The following MAP2K6 variants were observed in gnomAD, a reference collection of about 807,000 sequenced individuals.
The protein encoded by MAP2K6 is dual specificity mitogen-activated protein kinase kinase 6.
A neutral mutation model predicts 53.7 loss-of-function variants in MAP2K6; 16 were observed. The observed-to-expected ratio is 0.30, with a 90% CI of 0.20 to 0.45. The LOEUF (loss-of-function observed/expected upper bound fraction) is 0.45. MAP2K6 is among the 20% of genes least tolerant of loss of function. The probability of loss-of-function intolerance (pLI) is 1.00; values close to 1 mark genes in which losing one functional copy is unlikely to be tolerated. For missense variants in MAP2K6, 204 were observed against 411.9 expected (o/e 0.50, Z 4.37); for synonymous variants, 132 against 143.1 (o/e 0.92, Z 0.55).
intron 1 of MAP2K6, among the ~76,000 whole-genome samples, chr17:69,464,747 G>T (rs1398758992): frequency 1.3e-5 from 2 of 151,718 alleles, no homozygotes; most frequent in Non-Finnish European, 2.9e-5. Context: ...ACAGAGTCTC[G>T]CTCTGTTGCC....
At chr17:69,480,151 T>G (rs560209277) in intron 1 of MAP2K6, among the ~76,000 whole-genome samples, 1 of 152,328 alleles carries the variant, frequency 6.6e-6, no homozygotes, top group East Asian at 1.9e-4. Context: ...CAGGGCCTTA[T>G]GTTCTGGAGA....
intron 11 of MAP2K6, among the ~76,000 whole-genome samples, chr17:69,536,744 T>G (rs965799548): frequency 6.6e-6 from 1 of 152,232 alleles, no homozygotes; most frequent in African/African-American, 2.4e-5. Context: ...AAGTAATATC[T>G]TAGCATTGTT....
At chr17:69,536,593 T>C (rs532303862) in intron 11 of MAP2K6, among the ~76,000 whole-genome samples, 1 of 152,114 alleles carries the variant, frequency 6.6e-6, no homozygotes, top group East Asian at 1.9e-4. Flanking sequence ...TTTTGGGGGG[T>C]AGCTAAGGAG....
intron 1 of MAP2K6, among the ~76,000 whole-genome samples, chr17:69,430,038 T>A (rs1906406293): frequency 6.6e-6 from 1 of 151,946 alleles, no homozygotes; most frequent in Non-Finnish European, 1.5e-5. Flanking sequence ...AAAGAAATAA[T>A]AAAATAGGCC....
Position 69,516,899 on chromosome 17 carries a change from A to G in MAP2K6, c.128A>G (p.Asn43Ser). 6.3e-7 allele frequency: 1 copy of G among 1,593,986 alleles called. No homozygotes were observed. The highest frequency in any genetic ancestry group is 2.2e-5 in the East Asian group (1 of 44,668). Reference protein sequence around the residue: ...LDSKACISIGNQNFEVKADDL... With the variant: ...LDSKACISIGSQNFEVKADDL... Reference sequence around the variant, plus strand: ...TCCAAGGCTTGCATTTCTATTGGAAATCAGGTAAGAAAAAATCATGTCTGC... The same window carrying G: ...TCCAAGGCTTGCATTTCTATTGGAAGTCAGGTAAGAAAAAATCATGTCTGC... The change falls in exon 3 of 12, where the codon AAT becomes AGT. Residue 43 changes from asparagine (N) to serine (S), a missense_variant. This residue lies in a region of MAP2K6 where 129 missense variants were observed against 247.1 expected (regional missense o/e 0.52). Coordinates refer to ENST00000590474, the MANE Select transcript of MAP2K6 (RefSeq NM_002758.4).
intron 1 of MAP2K6, among the ~76,000 whole-genome samples, chr17:69,449,545 C>CTTTA (rs1198704464): frequency 4.5e-4 from 48 of 105,666 alleles, no homozygotes; most frequent in Non-Finnish European, 9.2e-4. Flanking sequence ...TTCTTTCTTT[C>CTTTA]TTTCTTTCTT....
intron 1 of MAP2K6, among the ~76,000 whole-genome samples, chr17:69,456,440 C>T (rs1907413681): frequency 6.6e-6 from 1 of 152,148 alleles, no homozygotes; most frequent in Admixed American, 6.5e-5. Flanking sequence ...ATCATTGATT[C>T]TAGAGATTGG....
chr17:69,473,764 C>T (rs1259032594), intron 1 of MAP2K6, among the ~76,000 whole-genome samples: 3 of 152,142 alleles, frequency 2.0e-5, no homozygotes, highest in Non-Finnish European at 4.4e-5. Context: ...TTGGAGTTGA[C>T]TTAAAATGTA....
intron 1 of MAP2K6, among the ~76,000 whole-genome samples, chr17:69,503,394 C>T (rs752939263): frequency 2.0e-5 from 3 of 152,116 alleles, no homozygotes; most frequent in African/African-American, 4.8e-5. Context: ...AAGCTCTATG[C>T]GATGTCAATA....
At chr17:69,478,135 G>A (rs1908217735) in intron 1 of MAP2K6, among the ~76,000 whole-genome samples, 1 of 152,228 alleles carries the variant, frequency 6.6e-6, no homozygotes, top group Admixed American at 6.5e-5. Context: ...ACAGAAGACA[G>A]CACAGCTGGG....
intron 1 of MAP2K6, among the ~76,000 whole-genome samples, chr17:69,461,485 G>A (rs1042789540): frequency 6.6e-5 from 10 of 152,184 alleles, no homozygotes; most frequent in African/African-American, 1.2e-4. Flanking sequence ...GAACCCGAGG[G>A]GTGGAAGAGA....
Position 69,546,600 on chromosome 17 carries a change from A to C in MAP2K6, c.*4847A>C, listed in dbSNP as rs1196415717. 1 of 152,148 alleles carries C rather than the reference A, an allele frequency of 6.6e-6. No homozygotes were observed. Among genetic ancestry groups the C allele is most frequent in the Non-Finnish European group, 1.5e-5 (1 of 68,018 alleles). The allele number at this position is 152,148 out of a possible 1,614,324, so 9.4% of individuals were successfully genotyped here. ...AAAGGACAATGGATACCTAGTTCCTAATTTCCTACCCAAATGCTGTTTTGG... is the reference window on the plus strand; with the variant it reads ...AAAGGACAATGGATACCTAGTTCCTCATTTCCTACCCAAATGCTGTTTTGG... On this transcript the variant is annotated 3_prime_UTR_variant, in exon 12 of 12. Transcript: ENST00000590474.
intron 10 of MAP2K6, among the ~76,000 whole-genome samples, chr17:69,527,669 C>T (rs1334401035): frequency 6.6e-6 from 1 of 152,038 alleles, no homozygotes; most frequent in Non-Finnish European, 1.5e-5. Flanking sequence ...GAAGGGGGCT[C>T]GGAGATGGTG....
chr17:69,510,121 C>T (rs1358892670), intron 2 of MAP2K6, among the ~76,000 whole-genome samples: 1 of 152,190 alleles, frequency 6.6e-6, no homozygotes, highest in Admixed American at 6.5e-5. Context: ...GCTGGGATTA[C>T]AGGCGCGAGC....
intron 1 of MAP2K6, among the ~76,000 whole-genome samples, chr17:69,449,607 C>CT (rs1567821885): frequency 1.1e-5 from 1 of 91,676 alleles, no homozygotes; most frequent in Non-Finnish European, 2.3e-5. Flanking sequence ...TTCTTTCTCT[C>CT]TCTTTTTTTT....
intron 1 of MAP2K6, among the ~76,000 whole-genome samples, chr17:69,475,323 C>T (rs997984233): frequency 6.9e-6 from 1 of 144,114 alleles, no homozygotes; most frequent in African/African-American, 2.6e-5. Context: ...CGCCCGCCAA[C>T]ACGCCCGGCT....
chr17:69,441,307 A>AT (rs1392374020), intron 1 of MAP2K6, among the ~76,000 whole-genome samples: 5 of 151,598 alleles, frequency 3.3e-5, no homozygotes, highest in Non-Finnish European at 5.9e-5. Context: ...GTCCCTGAAG[A>AT]TTTTTTTTCA....
At chr17:69,446,013 T>C (rs145066543) in intron 1 of MAP2K6, among the ~76,000 whole-genome samples, 18 of 152,330 alleles carry the variant, frequency 1.2e-4, no homozygotes, top group African/African-American at 4.3e-4. Context: ...AGAAATCAAA[T>C]GGGTACACAT....
intron 1 of MAP2K6, among the ~76,000 whole-genome samples, chr17:69,468,895 G>T (rs1907898554): frequency 6.6e-6 from 1 of 152,216 alleles, no homozygotes; most frequent in South Asian, 2.1e-4. Context: ...TGAACAGTCT[G>T]TGCAAAGATG....
Sources: allele counts gnomAD v4.1 joint callset (sites outside exome capture counted in the v4.1 genomes callset), GRCh38; gene constraint gnomAD v4.1.1; regional missense constraint gnomAD v4.1.1; transcripts MANE v1.5; gene names NCBI Gene and HGNC (gene_info 2026-07-23, HGNC 2026-07-21).